XRCC6: variants seen among roughly 807,000 people sequenced by gnomAD.
XRCC6 encodes DNA repair protein Ku70.
Under a neutral mutation model 65.7 loss-of-function variants are expected in XRCC6, and 5 were observed. The observed-to-expected ratio is 0.08, with a 90% confidence interval of 0.04 to 0.16. The LOEUF (loss-of-function observed/expected upper bound fraction) is 0.16. Ranked by LOEUF, XRCC6 falls within the 10% of genes least tolerant of loss-of-function variation. The pLI is 1.00. For missense variants in XRCC6, 447 were observed against 738.1 expected, an observed-to-expected ratio of 0.61 and a Z score of 4.57; for synonymous variants, 270 against 270.6, an observed-to-expected ratio of 1.00 and a Z score of 0.02.
intron 9 of XRCC6, among the ~76,000 whole-genome samples, chr22:41,654,894 C>T (rs1393599196): frequency 6.6e-6 from 1 of 152,212 alleles, no homozygotes; most frequent in South Asian, 2.1e-4. Flanking sequence ...CACAGTTTTG[C>T]TTTCTGCAGT....
rs2068120996 is a variant in XRCC6 at position 41,663,659 on chromosome 22, G to A, written c.1674G>A (p.Glu558=). ...CTGGAAGCAAAAGGCCCAAGGTGGA[G>A]TATTCAGAAGAGGAGCTGAAGACCC... ...EGSGSKRPKV[E]YSEEELKTHI... is the part of the protein sequence containing the mutation. Residue 558 remains glutamate (E), a synonymous_variant, in exon 13 of 13, where the codon GAG becomes GAA. Coordinates refer to ENST00000360079, the MANE Select transcript of XRCC6 (RefSeq NM_001469.5). 1.2e-6 allele frequency: 2 copies of A among 1,613,938 alleles called. No individual in the cohort carries two copies. Among genetic ancestry groups the A allele is most frequent in the Non-Finnish European group, 1.7e-6 (2 of 1,179,832 alleles).
chr22:41,658,714 G>T (rs886189987), intron 11 of XRCC6, among the ~76,000 whole-genome samples: 1 of 152,176 alleles, frequency 6.6e-6, no homozygotes, highest in Non-Finnish European at 1.5e-5. Flanking sequence ...AAGAGATTGA[G>T]ACCATCCTGG....
At chr22:41,644,566 A>C (rs1052809032) in intron 6 of XRCC6, among the ~76,000 whole-genome samples, 4 of 151,962 alleles carry the variant, frequency 2.6e-5, no homozygotes, top group African/African-American at 9.7e-5. Context: ...CCTCACTGCA[A>C]CCTCTGCCTC....
Position 41,647,065 on chromosome 22 carries a change from G to A in XRCC6, c.943G>A (p.Asp315Asn). The stretch of plus-strand genomic sequence containing the variant: ...TACAGGCGGTTTGCTTCTGCCTAGC[G>A]ATACCAAGAGGTCTCAGGTAGGTAG... The part of the protein sequence containing the change: ...TSTGGLLLPS[D>N]TKRSQIYGSR... Residue 315 changes from aspartate (D) to asparagine (N), a missense_variant, in exon 7 of 13, where the codon GAT (aspartate) becomes AAT (asparagine). By Grantham distance (23) the Asp-to-Asn change is conservative (BLOSUM62 1). Transcript: ENST00000360079. 1 of 1,614,000 alleles carries A rather than the reference G, an allele frequency of 6.2e-7. No individual in the cohort carries two copies. The highest frequency in any genetic ancestry group is 8.5e-7 in the Non-Finnish European group (1 of 1,179,984).
At chr22:41,653,730 C>A in intron 9 of XRCC6, 40 bp downstream of exon 9, 1 of 1,599,888 alleles carries the variant, frequency 6.3e-7, no homozygotes, top group Non-Finnish European at 8.5e-7. Flanking sequence ...TGAACCTTGC[C>A]CATACTTTGG....
chr22:41,652,790 C>T (rs1307599603), intron 8 of XRCC6, among the ~76,000 whole-genome samples: 4 of 152,190 alleles, frequency 2.6e-5, no homozygotes, highest in Admixed American at 2.0e-4. Flanking sequence ...TCTTCTGCCT[C>T]AGCCTCCCAA....
At chr22:41,649,180 G>GTA (rs1040702328) in intron 7 of XRCC6, among the ~76,000 whole-genome samples, 3 of 133,518 alleles carry the variant, frequency 2.2e-5, no homozygotes, top group South Asian at 2.5e-4. Context: ...ATGTGTGTGT[G>GTA]TATATATATA....
In XRCC6 at chr22:41,651,520, TA is replaced by T. The variant is rs1030147685; in HGVS notation, c.1129+630del. Among the ~76,000 whole-genome samples, 10 of 146,512 alleles carry T rather than the reference TA, an allele frequency of 6.8e-5. No individual in the cohort carries two copies. In the South Asian group the frequency reaches 8.8e-4, roughly 13 times the overall value. On this transcript the variant is annotated intron_variant, in intron 8 of 12. Transcript: ENST00000360079. ...TGTGGAATTTAGCTTTATATATATA[TA>T]TTTTTTTAATTTAATTTTTTTTTTG... is the stretch of plus-strand genomic sequence containing the variant.
At chr22:41,652,546 A>G (rs1031119381) in intron 8 of XRCC6, among the ~76,000 whole-genome samples, 2 of 152,022 alleles carry the variant, frequency 1.3e-5, no homozygotes, top group African/African-American at 2.4e-5. Flanking sequence ...TTGTAATGTT[A>G]GTAGAGACAG....
chr22:41,661,313 T>G lies in XRCC6; in HGVS notation c.1523-18T>G. On this transcript the variant is annotated intron_variant, in intron 11 of 12. Coordinates refer to ENST00000360079, the MANE Select transcript of XRCC6 (RefSeq NM_001469.5). ...CTCGTGACTCACCAGGCCACTCTTC[T>G]GTGTTTTGATTTTCTAGTGCCCAAG... 6.2e-7 allele frequency: 1 copy of G among 1,608,888 alleles called. No homozygotes were observed. Among genetic ancestry groups the G allele is most frequent in the South Asian group, 1.1e-5 (1 of 90,322 alleles).
intron 3 of XRCC6, among the ~76,000 whole-genome samples, chr22:41,632,652 A>G (rs1471602650): frequency 1.3e-5 from 2 of 151,604 alleles, no homozygotes; most frequent in Admixed American, 1.3e-4. Context: ...ACACCAGAAT[A>G]TCTTGCACCA....
intron 2 of XRCC6, among the ~76,000 whole-genome samples, chr22:41,626,486 G>T (rs1421667103): frequency 6.6e-6 from 1 of 151,698 alleles, no homozygotes; most frequent in Non-Finnish European, 1.5e-5. Context: ...ACAGAGTCTT[G>T]CTCTGTGGCC....
intron 12 of XRCC6, chr22:41,661,708 C>T: frequency 2.5e-6 from 1 of 397,362 alleles, no homozygotes; most frequent in Non-Finnish European, 4.6e-6. Context: ...ACTAGAGCTA[C>T]CATATGATCC....
intron 3 of XRCC6, among the ~76,000 whole-genome samples, chr22:41,634,090 A>G (rs1240280624): frequency 6.6e-6 from 1 of 152,164 alleles, no homozygotes; most frequent in Non-Finnish European, 1.5e-5. Context: ...TTAAGGAGAG[A>G]ATAGCTGTGG....
chr22:41,654,645 G>C (rs2068028770), intron 9 of XRCC6, among the ~76,000 whole-genome samples: 1 of 152,160 alleles, frequency 6.6e-6, no homozygotes, highest in African/African-American at 2.4e-5. Flanking sequence ...AAATCAGCCT[G>C]ATAACTCTTA....
chr22:41,647,944 C>G (rs916377698), intron 7 of XRCC6: 4 of 151,022 alleles, frequency 2.6e-5, no homozygotes, highest in African/African-American at 7.3e-5. Flanking sequence ...TCAGGCTGAC[C>G]AGTTAAATAA....
chr22:41,638,657 C>T (rs1171789893), intron 6 of XRCC6, among the ~76,000 whole-genome samples: 4 of 151,314 alleles, frequency 2.6e-5, no homozygotes, highest in Admixed American at 2.0e-4. Context: ...TGATGGCGCG[C>T]GCCTGTAGTC....
chr22:41,650,452 G>A (rs1269875970), intron 7 of XRCC6, among the ~76,000 whole-genome samples: 1 of 152,058 alleles, frequency 6.6e-6, no homozygotes, highest in African/African-American at 2.4e-5. Flanking sequence ...AGGTTGGAGT[G>A]CAGTGGCTAT....
chr22:41,661,497 T>TAAGACTATCATAAA, intron 12 of XRCC6, 53 bp downstream of exon 12: 1 of 1,480,030 alleles, frequency 6.8e-7, no homozygotes, highest in South Asian at 1.2e-5. Context: ...GCTTTTATGA[T>TAAGACTATCATAAA]AGTCTTATCA....
Sources: gnomAD v4.1 joint callset for allele counts (sites outside exome capture counted in the v4.1 genomes callset) on GRCh38, gnomAD v4.1.1 for gene constraint, MANE v1.5 for transcripts, NCBI Gene and HGNC (gene_info 2026-07-23, HGNC 2026-07-21) for gene names.